Variants in PDE3A observed in about 807,000 individuals in gnomAD.
The protein encoded by PDE3A is phosphodiesterase 3A.
In PDE3A, 43 loss-of-function variants were observed where a neutral mutation model predicts 98.3. That is an observed-to-expected ratio of 0.44 (90% CI 0.34 to 0.56). The LOEUF is 0.56. PDE3A is among the 20% of genes least tolerant of loss of function. PDE3A has a pLI of 0.01. For missense variants in PDE3A, 1,427 were observed against 1,440.7 expected (o/e 0.99, Z 0.15); for synonymous variants, 663 against 567.9 (o/e 1.17, Z -2.38).
chr12:20,526,746 C>G (rs1565577970), intron 1 of PDE3A, among the ~76,000 whole-genome samples: 1 of 150,530 alleles, frequency 6.6e-6, no homozygotes, highest in Non-Finnish European at 1.5e-5. Context: ...CTTGCTGAAT[C>G]TCATTTCATG....
In PDE3A at chr12:20,644,715, T is replaced by C. The variant is rs1944730939; in HGVS notation, c.2252-1775T>C. Among the ~76,000 whole-genome samples, 3 of 152,068 alleles carry C rather than the reference T, an allele frequency of 2.0e-5. No individual in the cohort carries two copies. In the South Asian group the frequency reaches 6.2e-4, roughly 32 times the overall value. On this transcript the variant is annotated intron_variant, in intron 10 of 15. Transcript: ENST00000359062. ...ATATAGATGTCAATCTTAATGAAAT[T>C]GCTCTTTCAAGTACCATATAATATT...
At chr12:20,487,009 A>AT (rs1945738108) in intron 1 of PDE3A, among the ~76,000 whole-genome samples, 2 of 152,158 alleles carry the variant, frequency 1.3e-5, no homozygotes, top group African/African-American at 4.8e-5. Context: ...CATTACTTGA[A>AT]TTTTTTTCAT....
intron 1 of PDE3A, among the ~76,000 whole-genome samples, chr12:20,523,220 C>T (rs746916905): frequency 5.3e-5 from 8 of 152,142 alleles, no homozygotes; most frequent in Non-Finnish European, 8.8e-5. Context: ...GTTTCTGTTT[C>T]GGAGTCCTTG....
At chr12:20,510,279 GC>G (rs1946196821) in intron 1 of PDE3A, among the ~76,000 whole-genome samples, 1 of 151,852 alleles carries the variant, frequency 6.6e-6, no homozygotes, top group Admixed American at 6.6e-5. Flanking sequence ...AAATTTGTCA[GC>G]CAGTTTAATT....
At chr12:20,563,169 T>C (rs992896840) in intron 2 of PDE3A, among the ~76,000 whole-genome samples, 1 of 152,228 alleles carries the variant, frequency 6.6e-6, no homozygotes, top group African/African-American at 2.4e-5. Flanking sequence ...AGGGAATGGA[T>C]CTGATTGTAA....
chr12:20,686,699 C>T lies in PDE3A; in HGVS notation c.*6428C>T, dbSNP rs1048894408. ...CTCATAGGAGGAAAGCATGGCTTCT[C>T]TTCAATTATACTTCTCTTACTCAAT... On this transcript the variant is annotated 3_prime_UTR_variant, in exon 16 of 16. Coordinates refer to ENST00000359062, the MANE Select transcript of PDE3A (RefSeq NM_000921.5). 6.6e-6 allele frequency among the ~76,000 whole-genome samples: 1 copy of T among 152,086 alleles called. No individual in the cohort carries two copies. Among genetic ancestry groups the T allele is most frequent in the Non-Finnish European group, 1.5e-5 (1 of 67,996 alleles).
chr12:20,634,085 A>G (rs952187375), intron 7 of PDE3A, among the ~76,000 whole-genome samples: 2 of 152,196 alleles, frequency 1.3e-5, no homozygotes, highest in African/African-American at 4.8e-5. Context: ...ATCATTGGTA[A>G]AGTTTGGGTG....
chr12:20,404,269 A>AG (rs1944188262), intron 1 of PDE3A, among the ~76,000 whole-genome samples: 1 of 151,978 alleles, frequency 6.6e-6, no homozygotes, highest in Non-Finnish European at 1.5e-5. Flanking sequence ...ACTTTATCTC[A>AG]GGGGGGATAT....
At chr12:20,490,635 A>G (rs1158474116) in intron 1 of PDE3A, among the ~76,000 whole-genome samples, 1 of 152,182 alleles carries the variant, frequency 6.6e-6, no homozygotes, top group Non-Finnish European at 1.5e-5. Flanking sequence ...AAGCAAATTT[A>G]CTATATTGAA....
intron 1 of PDE3A, among the ~76,000 whole-genome samples, chr12:20,443,188 A>G (rs932744448): frequency 6.6e-6 from 1 of 151,996 alleles, no homozygotes; most frequent in African/African-American, 2.4e-5. Context: ...GCTGGTTTTT[A>G]TTTCTTTTTG....
intron 2 of PDE3A, among the ~76,000 whole-genome samples, chr12:20,589,439 C>A (rs990781084): frequency 5.3e-5 from 8 of 152,064 alleles, no homozygotes; most frequent in Non-Finnish European, 8.8e-5. Flanking sequence ...TTCTTCCTAA[C>A]CTTCATCTGA....
At chr12:20,443,093 T>C (rs1262488503) in intron 1 of PDE3A, among the ~76,000 whole-genome samples, 1 of 151,798 alleles carries the variant, frequency 6.6e-6, no homozygotes, top group African/African-American at 2.4e-5. Flanking sequence ...ATAAATGTTA[T>C]ATAAATATAC....
At chr12:20,478,288 G>A (rs1945563791) in intron 1 of PDE3A, among the ~76,000 whole-genome samples, 1 of 152,128 alleles carries the variant, frequency 6.6e-6, no homozygotes, top group Non-Finnish European at 1.5e-5. Flanking sequence ...GGATACTGAG[G>A]AAATAAACAT....
chr12:20,653,812 T>C (rs1454604947), intron 14 of PDE3A, 135 bp from the exon 15 acceptor site: 2 of 875,918 alleles, frequency 2.3e-6, no homozygotes, highest in Non-Finnish European at 3.5e-6. Context: ...AGTGTTTCTA[T>C]AGGAACCTTA....
chr12:20,614,756 A>G (rs1310739837), intron 3 of PDE3A, among the ~76,000 whole-genome samples: 3 of 152,134 alleles, frequency 2.0e-5, no homozygotes, highest in Non-Finnish European at 2.9e-5. Flanking sequence ...TCAGATGTTT[A>G]AGAGACACTG....
intron 1 of PDE3A, among the ~76,000 whole-genome samples, chr12:20,544,979 G>A (rs1255077428): frequency 6.6e-6 from 1 of 151,948 alleles, no homozygotes; most frequent in Non-Finnish European, 1.5e-5. Flanking sequence ...GACTATCCAA[G>A]GAGGGATGAT....
In PDE3A at chr12:20,682,154, C is replaced by T. The variant is rs1945804305; in HGVS notation, c.*1883C>T. The T allele has an allele frequency of 6.6e-6, 1 of 152,192 alleles. No individual in the cohort carries two copies. The highest frequency in any genetic ancestry group is 2.4e-5 in the African/African-American group (1 of 41,454). The allele number at this position is 152,192 out of a possible 1,614,324, so 9.4% of individuals were successfully genotyped here. On this transcript the variant is annotated 3_prime_UTR_variant, in exon 16 of 16. Transcript: ENST00000359062. ...TTGCTAACTGAATGAATTCTGGGTCCATATCTCCCAGATGAAAAACTGTTA... is the reference window on the plus strand; with the variant it reads ...TTGCTAACTGAATGAATTCTGGGTCTATATCTCCCAGATGAAAAACTGTTA...
chr12:20,594,617 A>G (rs1943421354), intron 2 of PDE3A, among the ~76,000 whole-genome samples: 2 of 152,040 alleles, frequency 1.3e-5, no homozygotes, highest in South Asian at 4.1e-4. Context: ...ATCTTTAAGA[A>G]GCTTACAGAA....
intron 1 of PDE3A, among the ~76,000 whole-genome samples, chr12:20,539,805 C>G (rs1031434865): frequency 2.0e-5 from 3 of 152,080 alleles, no homozygotes; most frequent in African/African-American, 7.2e-5. Flanking sequence ...TCAGTGAAAT[C>G]AAATTTAATT....
Sources: gnomAD v4.1 joint callset for allele counts (sites outside exome capture counted in the v4.1 genomes callset) on GRCh38, gnomAD v4.1.1 for gene constraint, MANE v1.5 for transcripts, NCBI Gene and HGNC (gene_info 2026-07-23, HGNC 2026-07-21) for gene names.